STX1B: variants seen among roughly 807,000 people sequenced by gnomAD.
STX1B encodes syntaxin-1B.
A neutral mutation model predicts 39.4 loss-of-function variants in STX1B; 7 were observed. That is an observed-to-expected ratio of 0.18 (90% CI 0.10 to 0.33). The LOEUF (loss-of-function observed/expected upper bound fraction) is 0.33, where lower values mean the gene tolerates loss of function less well. STX1B is among the 10% of genes least tolerant of loss of function. The probability of loss-of-function intolerance (pLI) is 1.00; values close to 1 mark genes in which losing one functional copy is unlikely to be tolerated. For synonymous variants in STX1B, 136 were observed against 144.1 expected, an observed-to-expected ratio of 0.94 and a Z score of 0.40; for missense variants, 198 against 383.2, an observed-to-expected ratio of 0.52 and a Z score of 4.04.
At chr16:30,997,674 C>A in intron 4 of STX1B, 99 bp from the exon 5 acceptor site, 3 of 1,189,402 alleles carry the variant, frequency 2.5e-6, no homozygotes, top group Non-Finnish European at 2.4e-6. Context: ...CAGCGCCAGG[C>A]CCGGGGAGAA....
At chr16:30,997,097 TAGTC>T in intron 5 of STX1B, 38 bp from the exon 6 acceptor site, 1 of 1,425,198 alleles carries the variant, frequency 7.0e-7, no homozygotes. Context: ...ATCAGGGAGG[TAGTC>T]AGGGATCAGG....
At chr16:31,006,297 CCT>C (rs1174579195) in intron 1 of STX1B, among the ~76,000 whole-genome samples, 1 of 152,170 alleles carries the variant, frequency 6.6e-6, no homozygotes, top group Non-Finnish European at 1.5e-5. Flanking sequence ...GCTCCCTCCC[CCT>C]GAGCAGCCTG....
rs367630979 is a variant in STX1B at position 31,008,073 on chromosome 16, T to C, written c.30+2294A>G. ...AGACAATCAGTCCCCTGGGCTAATG[T>C]CCCCTCCCACCACCGCCCCTGCCTC... On this transcript the variant is annotated intron_variant, in intron 1 of 9. Coordinates refer to ENST00000215095, the MANE Select transcript of STX1B (RefSeq NM_052874.5). Among the ~76,000 whole-genome samples, 9 of 152,030 alleles carry C rather than the reference T, an allele frequency of 5.9e-5. No individual in the cohort carries two copies. In the East Asian group the frequency reaches 1.4e-3, roughly 23 times the overall value.
In STX1B at chr16:30,997,657, C is replaced by G. The variant is rs968476423; in HGVS notation, c.281-82G>C. ...TCCGGGGCGTACGAATGGTCAACAC[C>G]CCGCGGCAGCGCCAGGCCCGGGGAG... On this transcript the variant is annotated intron_variant, in intron 4 of 9. Transcript: ENST00000215095. 4.5e-6 allele frequency: 6 copies of G among 1,329,046 alleles called. No individual in the cohort carries two copies. In the African/African-American group the frequency reaches 7.4e-5, roughly 16 times the overall value. 82.3% of individuals were successfully genotyped at this position (1,329,046 alleles called of 1,614,324 possible). A position where few individuals can be genotyped will look rare whatever the true frequency, so the allele number is the denominator to read the frequency against.
In STX1B at chr16:30,992,041, G is replaced by A. The variant is rs1280621142; in HGVS notation, c.*780C>T. 1.3e-5 allele frequency: 2 copies of A among 151,474 alleles called. No homozygotes were observed. Among genetic ancestry groups the A allele is most frequent in the Admixed American group, 1.3e-4 (2 of 15,194 alleles). 9.4% of individuals were successfully genotyped at this position (151,474 alleles called of 1,614,324 possible). On this transcript the variant is annotated 3_prime_UTR_variant, in exon 10 of 10. Coordinates refer to ENST00000215095, the MANE Select transcript of STX1B (RefSeq NM_052874.5). ...CCAAAACAGGTGTCCAGTCCACAGT[G>A]TGGAGGGCTCTATCTGAGAAGACCT...
chr16:31,001,060 C>G lies in STX1B; in HGVS notation c.205+34G>C. ...GGGTGGGAACCCCAGGCCCCTTCTC[C>G]TCCCACCCCACAGTCACCGGCAGCC... On this transcript the variant is annotated intron_variant, in intron 3 of 9. Coordinates refer to ENST00000215095, the MANE Select transcript of STX1B (RefSeq NM_052874.5). The surrounding 1 kb of genome is among the most constrained non-coding windows in gnomAD (Gnocchi z 5.5). 6.2e-7 allele frequency: 1 copy of G among 1,613,758 alleles called. No homozygotes were observed. Among genetic ancestry groups the G allele is most frequent in the Non-Finnish European group, 8.5e-7 (1 of 1,179,694 alleles).
chr16:31,009,414 CG>C (rs534957165), intron 1 of STX1B, among the ~76,000 whole-genome samples: 137 of 152,146 alleles, frequency 9.0e-4, no homozygotes, highest in African/African-American at 3.0e-3. Flanking sequence ...GCAGCTCAGC[CG>C]GGGCCGGTAC....
At position 30,990,876 on chromosome 16, in the gene STX1B, G is replaced by A. The variant is rs1292509274; in HGVS notation, c.*1945C>T. Reference sequence around the variant, plus strand: ...ACCCTGGTGTGGGGAGCAGCCTGAGGGTTCAGCAGGAGAGGTGTCGGGGAT... The same window carrying A: ...ACCCTGGTGTGGGGAGCAGCCTGAGAGTTCAGCAGGAGAGGTGTCGGGGAT... On this transcript the variant is annotated 3_prime_UTR_variant, in exon 10 of 10. Transcript: ENST00000215095. 6.6e-6 allele frequency: 1 copy of A among 152,360 alleles called. No homozygotes were observed. Among genetic ancestry groups the A allele is most frequent in the Non-Finnish European group, 1.5e-5 (1 of 68,054 alleles). 9.4% of individuals were successfully genotyped at this position (152,360 alleles called of 1,614,324 possible). A position where few individuals can be genotyped will look rare whatever the true frequency, so the allele number is the denominator to read the frequency against.
rs932290215 is a variant in STX1B, at chr16:30,991,871, A to G, written c.*950T>C. ...TGACAGAGCAAGACTCCGTCTCGAA[A>G]AAAACAAAAAACAAAAAACAAAAAA... is the stretch of plus-strand genomic sequence containing the variant. On this transcript the variant is annotated 3_prime_UTR_variant, in exon 10 of 10. Coordinates refer to ENST00000215095, the MANE Select transcript of STX1B (RefSeq NM_052874.5). 3 of 152,194 alleles carry G rather than the reference A, an allele frequency of 2.0e-5. No individual in the cohort carries two copies. The highest frequency in any genetic ancestry group is 2.9e-5 in the Non-Finnish European group (2 of 68,110). 9.4% of individuals were successfully genotyped at this position (152,194 alleles called of 1,614,324 possible).
In STX1B at chr16:30,994,626, G is replaced by A. The variant is rs533561447; in HGVS notation, c.538-1142C>T. Among the ~76,000 whole-genome samples the A allele has an allele frequency of 5.4e-3, 805 of 149,676 alleles. 5 individuals are homozygous for A. The highest frequency in any genetic ancestry group is 8.5e-3 in the Non-Finnish European group (574 of 67,592). ...AAAGAAAGCCAGTGGGGAAGAGACC[G>A]TGACCCACAGTCAGATATGCCTCCT... is the stretch of plus-strand genomic sequence containing the variant. On this transcript the variant is annotated intron_variant, in intron 7 of 9. Transcript: ENST00000215095.
chr16:30,994,741 C>T (rs2056582745), intron 7 of STX1B, among the ~76,000 whole-genome samples: 1 of 152,152 alleles, frequency 6.6e-6, no homozygotes, highest in Non-Finnish European at 1.5e-5. Context: ...GCTCTACAGC[C>T]TGCCATGGCT....
intron 1 of STX1B, among the ~76,000 whole-genome samples, chr16:31,003,203 G>T (rs984935582): frequency 3.9e-5 from 6 of 152,172 alleles, no homozygotes; most frequent in Non-Finnish European, 7.4e-5. Flanking sequence ...TCACACAGAC[G>T]CTGGGCCCAC....
At chr16:31,008,441 C>T (rs61400892) in intron 1 of STX1B, among the ~76,000 whole-genome samples, 16,316 of 151,856 alleles carry the variant, frequency 0.11, 2,713 homozygotes, top group African/African-American at 0.36. Flanking sequence ...TTTTCCCTCC[C>T]TCTTTCTCGA....
intron 1 of STX1B, among the ~76,000 whole-genome samples, chr16:31,002,001 C>G (rs1287710347): frequency 6.6e-5 from 10 of 152,246 alleles, no homozygotes; most frequent in Admixed American, 2.0e-4. Context: ...TTCCTGCTCT[C>G]CTGCCCAGAT....
At chr16:30,993,871 G>C (rs1027269695) in intron 7 of STX1B, among the ~76,000 whole-genome samples, 1 of 152,050 alleles carries the variant, frequency 6.6e-6, no homozygotes, top group Non-Finnish European at 1.5e-5. Context: ...TGTAATCATA[G>C]CTACTCAGGA....
chr16:30,992,646 G>A lies in STX1B; in HGVS notation c.*175C>T, dbSNP rs1009898746. ...CTGCGATCTACGTGCGGGGACGGGG[G>A]GGGGGTCCATGGCCCGGTGAGGTCC... is the stretch of plus-strand genomic sequence containing the variant. On this transcript the variant is annotated 3_prime_UTR_variant, in exon 10 of 10. Coordinates refer to ENST00000215095, the MANE Select transcript of STX1B (RefSeq NM_052874.5). 3.8e-6 allele frequency: 2 copies of A among 522,562 alleles called. No homozygotes were observed. Among genetic ancestry groups the A allele is most frequent in the East Asian group, 3.0e-5 (1 of 33,142 alleles). 32.4% of individuals were successfully genotyped at this position (522,562 alleles called of 1,614,324 possible).
At chr16:30,995,350 G>GC (rs1467792745) in intron 7 of STX1B, among the ~76,000 whole-genome samples, 1 of 152,090 alleles carries the variant, frequency 6.6e-6, no homozygotes, top group Non-Finnish European at 1.5e-5. Context: ...CAGTCATAGC[G>GC]CATCCTTTAA....
At chr16:31,002,217 G>A (rs530434124) in intron 1 of STX1B, among the ~76,000 whole-genome samples, 21 of 146,176 alleles carry the variant, frequency 1.4e-4, no homozygotes, top group Admixed American at 2.1e-4. Flanking sequence ...GCTCTCCCTC[G>A]CAGTGGATTC....
Position 30,992,648 on chromosome 16 carries a change from G to GGA in STX1B, c.*172_*173insTC, listed in dbSNP as rs1567376355. On this transcript the variant is annotated 3_prime_UTR_variant, in exon 10 of 10. Transcript: ENST00000215095. ...GCGATCTACGTGCGGGGACGGGGGG[G>GGA]GGGTCCATGGCCCGGTGAGGTCCAG... 4.4e-6 allele frequency: 2 copies of GGA among 450,380 alleles called. No homozygotes were observed. The highest frequency in any genetic ancestry group is 7.6e-6 in the Non-Finnish European group (2 of 262,576). The allele number at this position is 450,380 out of a possible 1,614,324, so 27.9% of individuals were successfully genotyped here. A position where few individuals can be genotyped will look rare whatever the true frequency, so the allele number is the denominator to read the frequency against.
Sources: gnomAD v4.1 joint callset for allele counts (sites outside exome capture counted in the v4.1 genomes callset) on GRCh38, gnomAD v4.1.1 for gene constraint, Gnocchi (gnomAD v3.1) non-coding constraint, MANE v1.5 for transcripts, NCBI Gene and HGNC (gene_info 2026-07-23, HGNC 2026-07-21) for gene names.